The following NECAB1 variants were observed in gnomAD, a reference collection of about 807,000 sequenced individuals.
The protein encoded by NECAB1 is N-terminal EF-hand calcium binding protein 1, also known as N-terminal EF-hand calcium-binding protein 1.
In NECAB1, 29 loss-of-function variants were observed where a neutral mutation model predicts 57.5. The ratio of observed to expected loss-of-function variants is 0.50; its 90% CI spans 0.38 to 0.69. The LOEUF (loss-of-function observed/expected upper bound fraction) is 0.69. NECAB1 is among the 30% of genes least tolerant of loss of function. The pLI, the probability that NECAB1 is intolerant of heterozygous loss-of-function variation, is 0.00. For missense variants in NECAB1, 372 were observed against 413.8 expected, an observed-to-expected ratio of 0.90 and a Z score of 0.88; for synonymous variants, 142 against 147.7, an observed-to-expected ratio of 0.96 and a Z score of 0.28.
intron 5 of NECAB1, among the ~76,000 whole-genome samples, chr8:90,915,242 G>A (rs900712772): frequency 3.3e-5 from 5 of 152,020 alleles, no homozygotes; most frequent in African/African-American, 1.2e-4. Context: ...ATCCATTGGT[G>A]ATATGGAAAT....
intron 6 of NECAB1, among the ~76,000 whole-genome samples, chr8:90,919,562 C>T (rs1810055270): frequency 6.6e-6 from 1 of 152,156 alleles, no homozygotes; most frequent in African/African-American, 2.4e-5. Context: ...TTTAGCAGAT[C>T]TGTGAAGCAT....
At chr8:90,798,041 G>C (rs907636820) in intron 1 of NECAB1, among the ~76,000 whole-genome samples, 1 of 152,162 alleles carries the variant, frequency 6.6e-6, no homozygotes. Context: ...CCCTGGGAAG[G>C]CTCCAGAGGG....
intron 4 of NECAB1, among the ~76,000 whole-genome samples, chr8:90,875,252 C>T (rs2129857309): frequency 6.6e-6 from 1 of 151,498 alleles, no homozygotes; most frequent in Middle Eastern, 3.4e-3. Flanking sequence ...GAGGCCGAGG[C>T]GGGTGGATCA....
At chr8:90,829,273 T>C (rs56262288) in intron 3 of NECAB1, among the ~76,000 whole-genome samples, 2 of 152,154 alleles carry the variant, frequency 1.3e-5, no homozygotes, top group African/African-American at 4.8e-5. Context: ...CAAGAATAAA[T>C]ACAGGAAAGA....
chr8:90,822,723 C>A (rs1391009852), intron 2 of NECAB1, among the ~76,000 whole-genome samples: 15 of 151,740 alleles, frequency 9.9e-5, no homozygotes, highest in Non-Finnish European at 1.5e-4. Flanking sequence ...GCAGTAATAG[C>A]CTGTTTCCAC....
chr8:90,886,952 A>G (rs1809010761), intron 5 of NECAB1, among the ~76,000 whole-genome samples: 1 of 152,150 alleles, frequency 6.6e-6, no homozygotes, highest in African/African-American at 2.4e-5. Context: ...TTGTTAAATC[A>G]GGTCATATAT....
At chr8:90,932,927 T>C (rs533117310) in intron 8 of NECAB1, among the ~76,000 whole-genome samples, 1 of 152,140 alleles carries the variant, frequency 6.6e-6, no homozygotes, top group Non-Finnish European at 1.5e-5. Flanking sequence ...GACATTAAGG[T>C]CTTAATTCTC....
intron 2 of NECAB1, among the ~76,000 whole-genome samples, chr8:90,820,483 T>C (rs1812126985): frequency 6.6e-6 from 1 of 151,908 alleles, no homozygotes; most frequent in Non-Finnish European, 1.5e-5. Flanking sequence ...TAAACTACAA[T>C]ATTTAAAGTG....
At chr8:90,792,017 C>CT in intron 1 of NECAB1, 32 bp downstream of exon 1, 1 of 1,511,804 alleles carries the variant, frequency 6.6e-7, no homozygotes, top group Non-Finnish European at 9.0e-7. Flanking sequence ...TGGGCGGTTG[C>CT]TTCCCAGCAC....
intron 3 of NECAB1, among the ~76,000 whole-genome samples, chr8:90,841,204 G>A (rs1011520125): frequency 1.5e-4 from 23 of 151,822 alleles, no homozygotes; most frequent in African/African-American, 5.3e-4. Flanking sequence ...AGCTTGCAGT[G>A]AGCCGAGATC....
At chr8:90,819,571 G>T (rs569438675) in intron 2 of NECAB1, among the ~76,000 whole-genome samples, 1 of 151,998 alleles carries the variant, frequency 6.6e-6, no homozygotes, top group Non-Finnish European at 1.5e-5. Flanking sequence ...CCCCTCAAAA[G>T]GACTAAGTCT....
Position 90,810,234 on chromosome 8 carries a change from A to G in NECAB1, c.124+8519A>G, listed in dbSNP as rs567515533. On this transcript the variant is annotated intron_variant, in intron 2 of 12. Transcript: ENST00000417640. ...AATCCTAAATGATTCAGTGTAATTTAAAAAAAAGACAAAAGTATTTGAAAT... is the reference window on the plus strand; with the variant it reads ...AATCCTAAATGATTCAGTGTAATTTGAAAAAAAGACAAAAGTATTTGAAAT... Among the ~76,000 whole-genome samples the G allele has an allele frequency of 2.2e-4, 33 of 151,968 alleles. No homozygotes were observed. The East Asian group carries it at 6.4e-3, about 29-fold the overall frequency.
At chr8:90,796,561 A>T (rs1811664103) in intron 1 of NECAB1, among the ~76,000 whole-genome samples, 1 of 152,218 alleles carries the variant, frequency 6.6e-6, no homozygotes, top group East Asian at 1.9e-4. Flanking sequence ...ATTTTAGTTG[A>T]GGCCATCAAA....
intron 6 of NECAB1, among the ~76,000 whole-genome samples, chr8:90,920,767 C>T (rs1262700489): frequency 6.6e-6 from 1 of 152,136 alleles, no homozygotes; most frequent in Non-Finnish European, 1.5e-5. Context: ...CAGCCCCTTC[C>T]TTGTTTATCT....
chr8:90,917,652 T>G (rs1219287659), intron 6 of NECAB1, 24 bp downstream of exon 6: 1 of 1,597,962 alleles, frequency 6.3e-7, no homozygotes, highest in African/African-American at 1.3e-5. Context: ...TTTCATCTGA[T>G]GTCTATTTAG....
chr8:90,896,376 A>G, intron 5 of NECAB1, among the ~76,000 whole-genome samples: 1 of 152,152 alleles, frequency 6.6e-6, no homozygotes, highest in Non-Finnish European at 1.5e-5. Flanking sequence ...AGGCCGAGGC[A>G]GGCGGATCAC....
At chr8:90,865,585 C>A (rs1024573864) in intron 3 of NECAB1, among the ~76,000 whole-genome samples, 1 of 152,202 alleles carries the variant, frequency 6.6e-6, no homozygotes, top group Non-Finnish European at 1.5e-5. Context: ...TTGCTTCTGA[C>A]AACTGAGTAT....
At chr8:90,907,143 T>TGAGAGAGAGAGAGA (rs67911820) in intron 5 of NECAB1, among the ~76,000 whole-genome samples, 11 of 106,658 alleles carry the variant, frequency 1.0e-4, no homozygotes, top group Admixed American at 3.0e-4. Flanking sequence ...TGTGTGTGTG[T>TGAGAGAGAGAGAGA]GTGTGTGTGA....
chr8:90,862,550 A>G (rs542588771), intron 3 of NECAB1, among the ~76,000 whole-genome samples: 3 of 152,302 alleles, frequency 2.0e-5, no homozygotes, highest in African/African-American at 7.2e-5. Flanking sequence ...AACCAATGAC[A>G]TAAGTTCATT....
Sources: allele counts gnomAD v4.1 joint callset (sites outside exome capture counted in the v4.1 genomes callset), GRCh38; gene constraint gnomAD v4.1.1; transcripts MANE v1.5; gene names NCBI Gene and HGNC (gene_info 2026-07-23, HGNC 2026-07-21).